The following INO80 variants were observed in gnomAD, a reference collection of about 807,000 sequenced individuals.
INO80 encodes the protein chromatin-remodeling ATPase INO80.
In INO80, 20 loss-of-function variants were observed where a neutral mutation model predicts 203.4. The observed-to-expected ratio is 0.10, with a 90% CI of 0.07 to 0.14. INO80 has a LOEUF of 0.14. Ranked by LOEUF, INO80 falls within the 10% of genes least tolerant of loss-of-function variation. INO80 has a pLI of 1.00. For synonymous variants in INO80, 726 were observed against 685.2 expected, an observed-to-expected ratio of 1.06 and a Z score of -0.93; for missense variants, 1,419 against 1,914.4, an observed-to-expected ratio of 0.74 and a Z score of 4.83.
intron 24 of INO80, among the ~76,000 whole-genome samples, chr15:41,032,388 A>G (rs1422561343): frequency 2.0e-5 from 3 of 152,192 alleles, no homozygotes; most frequent in Non-Finnish European, 4.4e-5. Flanking sequence ...TTAAGCATCC[A>G]AACAAAAAGA....
intron 1 of INO80, among the ~76,000 whole-genome samples, chr15:41,105,213 C>G (rs2045864423): frequency 6.6e-6 from 1 of 152,162 alleles, no homozygotes. Flanking sequence ...ATGTTTACAT[C>G]AAACCAGGTG....
In INO80 at chr15:41,074,376, C is replaced by T. The variant is rs758680789; in HGVS notation, c.1321G>A (p.Asp441Asn). The change falls in exon 10 of 36, where the codon GAT (aspartate) becomes AAT (asparagine). Residue 441 changes from aspartate to asparagine, a missense_variant. By Grantham distance (23) the Asp-to-Asn change is conservative. This residue lies in a region of INO80 where 116 missense variants were observed against 119.5 expected (regional missense o/e 0.97). Coordinates refer to ENST00000648947, the MANE Select transcript of INO80 (RefSeq NM_017553.3). ...GGVVVNITQE[D>N]YDSNHFKAQA... ...GTCCTGACTGAGGACTCACCATAAT[C>T]CTCCTGTGTGATGTTAACTACCACT... 1 of 1,608,972 alleles carries T rather than the reference C, an allele frequency of 6.2e-7. No homozygotes were observed. The highest frequency in any genetic ancestry group is 1.3e-5 in the African/African-American group (1 of 74,876).
At chr15:41,082,408 A>T (rs2045499289) in intron 7 of INO80, among the ~76,000 whole-genome samples, 1 of 151,822 alleles carries the variant, frequency 6.6e-6, no homozygotes, top group South Asian at 2.1e-4. Flanking sequence ...TATAAAAAAT[A>T]AACAGAATTG....
chr15:41,035,821 CAAAAAAAAAAAAAA>C (rs71104768), intron 24 of INO80, among the ~76,000 whole-genome samples: 1 of 20,154 alleles, frequency 5.0e-5, no homozygotes, highest in South Asian at 5.0e-3. Flanking sequence ...GACTCTGTCT[CAAAAAAAAAAAAAA>C]AAAAAAAAAA....
intron 26 of INO80, among the ~76,000 whole-genome samples, chr15:41,020,265 C>T (rs2044270916): frequency 6.6e-6 from 1 of 152,064 alleles, no homozygotes; most frequent in Admixed American, 6.5e-5. Context: ...TTTTGGACAA[C>T]CAAAACTAAC....
At chr15:41,053,615 G>C (rs146353353) in intron 19 of INO80, among the ~76,000 whole-genome samples, 1 of 152,124 alleles carries the variant, frequency 6.6e-6, no homozygotes, top group Non-Finnish European at 1.5e-5. Flanking sequence ...AAAACATCTG[G>C]GATTTGCTTT....
intron 7 of INO80, among the ~76,000 whole-genome samples, chr15:41,085,093 T>A (rs915845455): frequency 1.3e-5 from 2 of 152,220 alleles, no homozygotes; most frequent in African/African-American, 4.8e-5. Flanking sequence ...TCTATTGCTA[T>A]ATTTAGGAAA....
At chr15:41,102,164 C>T (rs961664548) in intron 1 of INO80, among the ~76,000 whole-genome samples, 2 of 151,754 alleles carry the variant, frequency 1.3e-5, no homozygotes, top group Admixed American at 6.6e-5. Flanking sequence ...GAACTCCAGC[C>T]TGGGCAACAA....
At chr15:40,985,502 C>T in intron 31 of INO80, 76 bp from the exon 32 acceptor site, 1 of 1,040,744 alleles carries the variant, frequency 9.6e-7, no homozygotes, top group Non-Finnish European at 1.5e-6. Flanking sequence ...TTAAGGTGGC[C>T]ATATCCCCTG....
rs149877971 is a variant in INO80 at position 41,043,935 on chromosome 15, A to G, written c.2907+969T>C. Among the ~76,000 whole-genome samples, 51 of 152,344 alleles carry G rather than the reference A, an allele frequency of 3.3e-4. No individual in the cohort carries two copies. In the East Asian group the frequency reaches 9.4e-3, roughly 28 times the overall value. ...CAACATCATTACTTTTCATGGAAATATAATTCAAGATCACGAGATGCCACT... is the reference window on the plus strand; with the variant it reads ...CAACATCATTACTTTTCATGGAAATGTAATTCAAGATCACGAGATGCCACT... On this transcript the variant is annotated intron_variant, in intron 24 of 35. Coordinates refer to ENST00000648947, the MANE Select transcript of INO80 (RefSeq NM_017553.3).
At position 41,079,912 on chromosome 15, in the gene INO80, C is replaced by G. The variant is rs756328950; in HGVS notation, c.928-8G>C. ...CATGCACTGGTGAGCAAGCTGAAAACAACAACAGCATTACAGCGGAAAGGA... is the reference window on the plus strand; with the variant it reads ...CATGCACTGGTGAGCAAGCTGAAAAGAACAACAGCATTACAGCGGAAAGGA... On this transcript the variant is annotated splice_region_variant and splice_polypyrimidine_tract_variant and intron_variant, in intron 8 of 35. Coordinates refer to ENST00000648947, the MANE Select transcript of INO80 (RefSeq NM_017553.3). 1.2e-6 allele frequency: 2 copies of G among 1,612,248 alleles called. No individual in the cohort carries two copies. Among genetic ancestry groups the G allele is most frequent in the Non-Finnish European group, 1.7e-6 (2 of 1,179,650 alleles).
chr15:40,994,653 C>G (rs993018664), intron 29 of INO80, among the ~76,000 whole-genome samples: 1 of 152,122 alleles, frequency 6.6e-6, no homozygotes, highest in Non-Finnish European at 1.5e-5. Flanking sequence ...GTGTGAGCCA[C>G]TGCACCTGGC....
chr15:41,047,645 G>A lies in INO80; in HGVS notation c.2642-144C>T, dbSNP rs2044792132. The A allele has an allele frequency of 1.0e-5, 6 of 600,884 alleles. No homozygotes were observed. The South Asian group carries it at 1.2e-4, about 12-fold the overall frequency. 37.2% of individuals were successfully genotyped at this position (600,884 alleles called of 1,614,324 possible). A position where few individuals can be genotyped will look rare whatever the true frequency, so the allele number is the denominator to read the frequency against. ...TCTAGCCACTTTGGTGCAAGTTAGG[G>A]TGCCACACCTTTATACTACAATAAC... On this transcript the variant is annotated intron_variant, in intron 22 of 35. Coordinates refer to ENST00000648947, the MANE Select transcript of INO80 (RefSeq NM_017553.3).
Position 41,085,553 on chromosome 15 carries a change from C to T in INO80, c.689G>A (p.Arg230Gln), listed in dbSNP as rs1249124440. The change falls in exon 7 of 36, where the codon CGA becomes CAA. Residue 230 changes from arginine (R) to glutamine (Q), a missense_variant. By Grantham distance (43) the Arg-to-Gln change is conservative. This residue lies in a region of INO80 where 323 missense variants were observed against 325.4 expected (regional missense o/e 0.99). Transcript: ENST00000648947. ...AKLKKVKKKR[R>Q]RDEELSSEES... The stretch of plus-strand genomic sequence containing the variant: ...TTCAGAGGAAAGTTCTTCATCTCTT[C>T]GTCTTTTTTTCTTCACTTTTTTCAA... 12 of 1,614,078 alleles carry T rather than the reference C, an allele frequency of 7.4e-6. No individual in the cohort carries two copies. Among genetic ancestry groups the T allele is most frequent in the South Asian group, 1.1e-5 (1 of 91,080 alleles).
intron 18 of INO80, among the ~76,000 whole-genome samples, chr15:41,054,874 G>A (rs188604160): frequency 5.9e-5 from 9 of 152,254 alleles, no homozygotes; most frequent in Non-Finnish European, 1.0e-4. Flanking sequence ...CTGACCTAAC[G>A]TGATCCGCCC....
chr15:41,023,585 A>G (rs2044327904), intron 25 of INO80, among the ~76,000 whole-genome samples: 1 of 151,988 alleles, frequency 6.6e-6, no homozygotes. Flanking sequence ...CCTGGCCAAC[A>G]TGGTGAAACC....
chr15:41,053,654 T>C (rs1473252439), intron 19 of INO80, among the ~76,000 whole-genome samples: 1 of 152,202 alleles, frequency 6.6e-6, no homozygotes, highest in Non-Finnish European at 1.5e-5. Context: ...AGTTAATGAT[T>C]ATTGTCACGG....
At chr15:40,985,552 A>G in intron 31 of INO80, 126 bp from the exon 32 acceptor site, 1 of 724,736 alleles carries the variant, frequency 1.4e-6, no homozygotes, top group Non-Finnish European at 2.4e-6. Flanking sequence ...TGTTTAAGGC[A>G]GATAACCAGT....
chr15:41,029,800 T>C (rs1335242737), intron 24 of INO80, among the ~76,000 whole-genome samples: 2 of 152,232 alleles, frequency 1.3e-5, no homozygotes, highest in Non-Finnish European at 2.9e-5. Context: ...AGGAAAAAGG[T>C]AAAAAGATGT....
Sources: allele counts gnomAD v4.1 joint callset (sites outside exome capture counted in the v4.1 genomes callset), GRCh38; gene constraint gnomAD v4.1.1; regional missense constraint gnomAD v4.1.1; transcripts MANE v1.5; gene names NCBI Gene and HGNC (gene_info 2026-07-23, HGNC 2026-07-21).